TACC1: variants seen among roughly 807,000 people sequenced by gnomAD.
TACC1 encodes transforming acidic coiled-coil-containing protein 1.
Under a neutral mutation model 84.4 loss-of-function variants are expected in TACC1, and 48 were observed. That is an observed-to-expected ratio of 0.57 (90% CI 0.45 to 0.72). TACC1 has a LOEUF of 0.72. Among genes scored for constraint, TACC1 ranks in the 30% least tolerant of loss-of-function variants. The pLI is 0.00. For missense variants in TACC1, 920 were observed against 973.0 expected, an observed-to-expected ratio of 0.95 and a Z score of 0.72; for synonymous variants, 372 against 376.3, an observed-to-expected ratio of 0.99 and a Z score of 0.13.
At chr8:38,736,965 G>T (rs889972830) in intron 1 of TACC1, among the ~76,000 whole-genome samples, 2 of 152,174 alleles carry the variant, frequency 1.3e-5, no homozygotes, top group African/African-American at 4.8e-5. Flanking sequence ...CCGCGATGAG[G>T]ACACAAAAAT....
At chr8:38,798,097 A>G (rs1478296365) in intron 2 of TACC1, among the ~76,000 whole-genome samples, 3 of 151,100 alleles carry the variant, frequency 2.0e-5, no homozygotes. Flanking sequence ...GCCTTTAGAG[A>G]TACGGTTTGG....
chr8:38,787,222 C>G (rs1199901130), upstream of TACC1: 8 of 998,216 alleles, frequency 8.0e-6, no homozygotes, highest in African/African-American at 1.0e-4. Context: ...CGCGCCCCGC[C>G]GGCCGGGAGG....
chr8:38,807,154 C>T (rs904079693), intron 2 of TACC1, among the ~76,000 whole-genome samples: 4 of 152,196 alleles, frequency 2.6e-5, no homozygotes, highest in African/African-American at 9.6e-5. Context: ...TGCCAGCCCA[C>T]AAGCTCTCTG....
At chr8:38,768,391 A>G (rs866182689) in intron 3 of TACC1, among the ~76,000 whole-genome samples, 19 of 152,320 alleles carry the variant, frequency 1.2e-4, no homozygotes, top group African/African-American at 3.8e-4. Flanking sequence ...GACTTTTTGT[A>G]TTTATAGAAG....
chr8:38,778,063 T>C (rs1346212797), intron 3 of TACC1, among the ~76,000 whole-genome samples: 1 of 152,188 alleles, frequency 6.6e-6, no homozygotes, highest in East Asian at 1.9e-4. Context: ...TAGAGGTGCA[T>C]AGACACACAA....
intron 11 of TACC1, among the ~76,000 whole-genome samples, chr8:38,844,169 T>TTTA (rs754707593): frequency 4.6e-5 from 7 of 151,884 alleles, no homozygotes; most frequent in Admixed American, 1.3e-4. Context: ...ATTTATTTAT[T>TTTA]TTATTATTAT....
At chr8:38,837,865 A>G (rs1830524769) in intron 7 of TACC1, among the ~76,000 whole-genome samples, 1 of 152,268 alleles carries the variant, frequency 6.6e-6, no homozygotes, top group African/African-American at 2.4e-5. Flanking sequence ...CCTTCCAGTT[A>G]GCAAGAGCAT....
chr8:38,815,720 T>A (rs2152161168), intron 2 of TACC1, among the ~76,000 whole-genome samples: 1 of 152,208 alleles, frequency 6.6e-6, no homozygotes, highest in Non-Finnish European at 1.5e-5. Context: ...TGCCCGGCAA[T>A]GTATAATAGA....
intron 8 of TACC1, 138 bp from the exon 9 acceptor site, chr8:38,840,086 G>C: frequency 3.8e-6 from 1 of 266,020 alleles, no homozygotes; most frequent in East Asian, 7.3e-5. Flanking sequence ...AAAAGATAAC[G>C]AGAGCCCCAA....
chr8:38,827,376 G>A lies in TACC1; in HGVS notation c.1660+1G>A, dbSNP rs1408984940. ...CATGCGTTTTCATCCTCAGAAGCAG[G>A]TATGGAAGCATATCTTCATCTTTCT... On this transcript the variant is annotated splice_donor_variant, in intron 5 of 12. Transcript: ENST00000317827. LOFTEE classifies it high-confidence loss of function. 1.2e-6 allele frequency: 2 copies of A among 1,613,972 alleles called. No individual in the cohort carries two copies. The highest frequency in any genetic ancestry group is 1.7e-6 in the Non-Finnish European group (2 of 1,179,866).
At chr8:38,834,711 A>C (rs1829887716) in intron 6 of TACC1, among the ~76,000 whole-genome samples, 1 of 152,210 alleles carries the variant, frequency 6.6e-6, no homozygotes, top group Non-Finnish European at 1.5e-5. Flanking sequence ...GTGAAGCTGC[A>C]TGCTAAAATT....
At chr8:38,835,324 A>G (rs1240366392) in intron 6 of TACC1, among the ~76,000 whole-genome samples, 1 of 152,236 alleles carries the variant, frequency 6.6e-6, no homozygotes, top group African/African-American at 2.4e-5. Flanking sequence ...TAGGAAGGAA[A>G]ATAGTACAAA....
At chr8:38,808,317 A>G (rs1406116659) in intron 2 of TACC1, among the ~76,000 whole-genome samples, 1 of 152,242 alleles carries the variant, frequency 6.6e-6, no homozygotes, top group East Asian at 1.9e-4. Flanking sequence ...ACTCTTCATT[A>G]TGGGAGATTG....
intron 3 of TACC1, among the ~76,000 whole-genome samples, chr8:38,773,601 T>TAGCTATCTATCTAGCTATCTATCTAG (rs1406311425): frequency 3.3e-5 from 5 of 149,358 alleles, no homozygotes; most frequent in African/African-American, 1.3e-4. Context: ...TATCTATCTA[T>TAGCTATCTATCTAGCTATCTATCTAG]CTAGCTATCT....
In TACC1 at chr8:38,805,136, C is replaced by T. The variant is rs1354209993; in HGVS notation, c.278-14386C>T. On this transcript the variant is annotated intron_variant, in intron 2 of 12. Coordinates refer to ENST00000317827, the MANE Select transcript of TACC1 (RefSeq NM_006283.3). ...TGTTCCTGGCTAGCATTGAGAGCAGCTGTTTCCTTTCCTCCCTGAGGAATC... is the reference window on the plus strand; with the variant it reads ...TGTTCCTGGCTAGCATTGAGAGCAGTTGTTTCCTTTCCTCCCTGAGGAATC... Among the ~76,000 whole-genome samples, 3 of 152,200 alleles carry T rather than the reference C, an allele frequency of 2.0e-5. No homozygotes were observed. The East Asian group carries it at 5.8e-4, about 29-fold the overall frequency.
intron 8 of TACC1, chr8:38,839,304 T>A: frequency 2.5e-6 from 1 of 395,820 alleles, no homozygotes; most frequent in Non-Finnish European, 4.5e-6. Flanking sequence ...AATCGAAATC[T>A]TTTTATTTTT....
intron 2 of TACC1, among the ~76,000 whole-genome samples, chr8:38,808,657 C>A (rs910026890): frequency 6.6e-6 from 1 of 152,360 alleles, no homozygotes; most frequent in South Asian, 2.1e-4. Flanking sequence ...TCAAGGAACA[C>A]CCCCTACTTT....
At chr8:38,798,097 A>T (rs1478296365) in intron 2 of TACC1, among the ~76,000 whole-genome samples, 1 of 151,100 alleles carries the variant, frequency 6.6e-6, no homozygotes. Context: ...GCCTTTAGAG[A>T]TACGGTTTGG....
intron 6 of TACC1, among the ~76,000 whole-genome samples, chr8:38,831,503 A>G (rs1003106595): frequency 3.9e-5 from 6 of 151,986 alleles, no homozygotes; most frequent in African/African-American, 1.2e-4. Flanking sequence ...TGTTGTTATT[A>G]TTATTATTAT....
Sources: allele counts gnomAD v4.1 joint callset (sites outside exome capture counted in the v4.1 genomes callset), GRCh38; gene constraint gnomAD v4.1.1; transcripts MANE v1.5; gene names NCBI Gene and HGNC (gene_info 2026-07-23, HGNC 2026-07-21).